UTRN: variants seen among roughly 807,000 people sequenced by gnomAD.
UTRN encodes dystrophin-related protein 1.
Under a neutral mutation model 463.9 loss-of-function variants are expected in UTRN, and 283 were observed. The ratio of observed to expected loss-of-function variants is 0.61; its 90% CI spans 0.55 to 0.67. The LOEUF (loss-of-function observed/expected upper bound fraction) is 0.67, where lower values mean the gene tolerates loss of function less well. Ranked by LOEUF, UTRN falls within the 30% of genes least tolerant of loss-of-function variation. The pLI, the probability that UTRN is intolerant of heterozygous loss-of-function variation, is 0.00. For synonymous variants in UTRN, 1,442 were observed against 1,431.5 expected (o/e 1.01, Z -0.17); for missense variants, 3,922 against 4,084.3 (o/e 0.96, Z 1.08).
chr6:144,538,542 C>T (rs942697344), intron 44 of UTRN, among the ~76,000 whole-genome samples: 2 of 151,480 alleles, frequency 1.3e-5, no homozygotes, highest in Non-Finnish European at 2.9e-5. Flanking sequence ...TGGTGGCAGG[C>T]GCATGTAGTC....
chr6:144,490,930 G>A lies in UTRN; in HGVS notation c.4265G>A (p.Arg1422Lys). ...RGGSQMDVLQ[R>K]KLREVSTKFQ... Reference sequence around the variant, plus strand: ...GCATATTTTCATTTCTGCAAACAGAGGAAACTCCGAGAGGTGTCCACAAAG... The same window carrying A: ...GCATATTTTCATTTCTGCAAACAGAAGAAACTCCGAGAGGTGTCCACAAAG... Residue 1422 changes from arginine (R) to lysine (K), a missense_variant and splice_region_variant, in exon 32 of 75, where the codon AGG (arginine) becomes AAG (lysine). Arg to Lys is a conservative substitution (Grantham distance 26). Around this residue, in one of 3 missense-constraint regions of UTRN, gnomAD observed 2,349 missense variants for 2,303.8 expected, o/e 1.02. Coordinates refer to ENST00000367545, the MANE Select transcript of UTRN (RefSeq NM_007124.3). 1 of 1,584,744 alleles carries A rather than the reference G, an allele frequency of 6.3e-7. No homozygotes were observed. The highest frequency in any genetic ancestry group is 1.4e-5 in the African/African-American group (1 of 73,906).
intron 73 of UTRN, 61 bp downstream of exon 73, chr6:144,840,893 C>T: frequency 6.4e-7 from 1 of 1,570,278 alleles, no homozygotes; most frequent in African/African-American, 1.3e-5. Context: ...TCTTTTTCTG[C>T]ATGCGGCCCT....
At chr6:144,540,069 G>T (rs1317454660) in intron 45 of UTRN, among the ~76,000 whole-genome samples, 4 of 149,778 alleles carry the variant, frequency 2.7e-5, no homozygotes, top group African/African-American at 9.9e-5. Flanking sequence ...AATAAATAAA[G>T]AAAATAGCAT....
chr6:144,728,262 A>G (rs971144293), intron 53 of UTRN, among the ~76,000 whole-genome samples: 5 of 152,010 alleles, frequency 3.3e-5, no homozygotes, highest in Admixed American at 6.6e-5. Context: ...TGTCGTTATT[A>G]TATATTTTTA....
At chr6:144,730,734 A>G (rs1788432459) in intron 54 of UTRN, among the ~76,000 whole-genome samples, 1 of 152,012 alleles carries the variant, frequency 6.6e-6, no homozygotes, top group South Asian at 2.1e-4. Flanking sequence ...AGATTGTCTA[A>G]AAAGTGTACT....
chr6:144,782,617 T>C (rs558840630), intron 61 of UTRN, among the ~76,000 whole-genome samples: 23 of 112,404 alleles, frequency 2.0e-4, no homozygotes, highest in Admixed American at 5.8e-4. Context: ...ATAGTGGTTA[T>C]GTGTGTGTGT....
chr6:144,673,681 A>T (rs1273030719), intron 51 of UTRN, among the ~76,000 whole-genome samples: 1 of 152,058 alleles, frequency 6.6e-6, no homozygotes, highest in African/African-American at 2.4e-5. Context: ...TCTATTCCTT[A>T]TGCTGGTTGC....
chr6:144,478,542 C>A (rs984417917), intron 25 of UTRN, among the ~76,000 whole-genome samples: 1 of 152,176 alleles, frequency 6.6e-6, no homozygotes, highest in Non-Finnish European at 1.5e-5. Flanking sequence ...CTTGGTTACC[C>A]TGTGGGGACA....
intron 64 of UTRN, 143 bp downstream of exon 64, chr6:144,798,133 T>A: frequency 9.2e-7 from 1 of 1,089,584 alleles, no homozygotes; most frequent in South Asian, 1.7e-5. Flanking sequence ...CTCATCTATC[T>A]AAAAGTAGCA....
chr6:144,430,342 G>C (rs1367580309), intron 9 of UTRN, among the ~76,000 whole-genome samples: 1 of 152,126 alleles, frequency 6.6e-6, no homozygotes, highest in East Asian at 1.9e-4. Flanking sequence ...TAGTTCTACT[G>C]TTTGAATCAA....
At chr6:144,664,122 G>A (rs530991930) in intron 51 of UTRN, among the ~76,000 whole-genome samples, 1 of 152,266 alleles carries the variant, frequency 6.6e-6, no homozygotes, top group African/African-American at 2.4e-5. Context: ...AGTCTCTCCT[G>A]GAGAAATTAC....
At chr6:144,557,816 C>G (rs1389769116) in intron 50 of UTRN, among the ~76,000 whole-genome samples, 4 of 152,144 alleles carry the variant, frequency 2.6e-5, no homozygotes, top group African/African-American at 9.6e-5. Flanking sequence ...TTTCCCATTA[C>G]TTTGTCTAGT....
At chr6:144,526,824 T>C (rs1348503179) in intron 41 of UTRN, among the ~76,000 whole-genome samples, 1 of 151,618 alleles carries the variant, frequency 6.6e-6, no homozygotes. Context: ...TGTTGACAGG[T>C]CTTCTTCTGT....
chr6:144,730,800 G>A (rs888493689), intron 54 of UTRN, among the ~76,000 whole-genome samples: 1 of 151,216 alleles, frequency 6.6e-6, no homozygotes, highest in Non-Finnish European at 1.5e-5. Context: ...ATTTAAACAA[G>A]TTACATGATA....
chr6:144,571,533 A>C (rs1800936720), intron 50 of UTRN, among the ~76,000 whole-genome samples: 1 of 152,204 alleles, frequency 6.6e-6, no homozygotes, highest in Non-Finnish European at 1.5e-5. Flanking sequence ...CTTTAGTATT[A>C]GAAATTGTCT....
chr6:144,574,259 C>T (rs1057276845), intron 50 of UTRN, among the ~76,000 whole-genome samples: 1 of 152,060 alleles, frequency 6.6e-6, no homozygotes, highest in Non-Finnish European at 1.5e-5. Flanking sequence ...ACTGATTCTG[C>T]AGGTTAAGAA....
chr6:144,836,388 TCC>T lies in UTRN; in HGVS notation c.9915_9916del (p.His3306SerfsTer4). On this transcript the variant is annotated frameshift_variant, in exon 71 of 75. Transcript: ENST00000367545. LOFTEE classifies it high-confidence loss of function. ...VGSPPESIIS[P>X]HHTSEDSELI... ...GTTCACCGCCAGAGTCGATTATATCTCCCCATCACACGTCTGAGGATTCAGAA... is the reference window on the plus strand; with the variant it reads ...GTTCACCGCCAGAGTCGATTATATCTCCATCACACGTCTGAGGATTCAGAA... 6.3e-7 allele frequency: 1 copy of T among 1,585,492 alleles called. No individual in the cohort carries two copies. The highest frequency in any genetic ancestry group is 8.6e-7 in the Non-Finnish European group (1 of 1,156,796).
chr6:144,455,950 A>G (rs1283696531), intron 19 of UTRN, among the ~76,000 whole-genome samples: 1 of 152,232 alleles, frequency 6.6e-6, no homozygotes, highest in Non-Finnish European at 1.5e-5. Context: ...AATAGTTGAC[A>G]TGGGGCTTTT....
chr6:144,511,003 T>C lies in UTRN; in HGVS notation c.4824T>C (p.Ser1608=), dbSNP rs753685428. 3 of 1,613,304 alleles carry C rather than the reference T, an allele frequency of 1.9e-6. No individual in the cohort carries two copies. The highest frequency in any genetic ancestry group is 2.5e-6 in the Non-Finnish European group (3 of 1,179,422). The change falls in exon 35 of 75, where the codon AGT becomes AGC. Residue 1608 remains serine (S), a synonymous_variant. Transcript: ENST00000367545. ...KADLNTITES[S]AALQNLIEGS... is the part of the protein sequence containing the mutation. ...ATTTAAATACCATCACAGAGAGTAGTGCTGCCCTGCAAAACTTGATTGAGG... is the reference window on the plus strand; with the variant it reads ...ATTTAAATACCATCACAGAGAGTAGCGCTGCCCTGCAAAACTTGATTGAGG...
Sources: allele counts gnomAD v4.1 joint callset (sites outside exome capture counted in the v4.1 genomes callset), GRCh38; gene constraint gnomAD v4.1.1; regional missense constraint gnomAD v4.1.1; transcripts MANE v1.5; gene names NCBI Gene and HGNC (gene_info 2026-07-23, HGNC 2026-07-21).